HCN1: variants seen among roughly 807,000 people sequenced by gnomAD.
HCN1 encodes potassium/sodium hyperpolarization-activated cyclic nucleotide-gated channel 1.
HCN1 carries 13 observed loss-of-function variants against 78.9 expected under a neutral mutation model. The ratio of observed to expected loss-of-function variants is 0.16; its 90% CI spans 0.11 to 0.26. The LOEUF (loss-of-function observed/expected upper bound fraction) is 0.26, where lower values mean the gene tolerates loss of function less well. Among genes scored for constraint, HCN1 ranks in the 10% least tolerant of loss-of-function variants. HCN1 has a pLI of 1.00. For synonymous variants in HCN1, 552 were observed against 455.5 expected (o/e 1.21, Z -2.70); for missense variants, 810 against 1,154.3 (o/e 0.70, Z 4.32).
At chr5:45,660,510 A>G (rs1027808924) in intron 1 of HCN1, among the ~76,000 whole-genome samples, 1 of 151,328 alleles carries the variant, frequency 6.6e-6, no homozygotes, top group African/African-American at 2.4e-5. Context: ...CAGACTGGCA[A>G]GTTGGATAAA....
chr5:45,481,881 T>C (rs1469415605), intron 2 of HCN1, among the ~76,000 whole-genome samples: 1 of 152,220 alleles, frequency 6.6e-6, no homozygotes, highest in African/African-American at 2.4e-5. Flanking sequence ...TCTCAGTCTC[T>C]GTTTTCCTCA....
intron 4 of HCN1, 34 bp from the exon 5 acceptor site, chr5:45,353,280 C>T (rs759208319): frequency 1.4e-6 from 2 of 1,442,170 alleles, no homozygotes; most frequent in Admixed American, 1.7e-5. Context: ...TAAAAAAAAA[C>T]ATTGTTAGGG....
At chr5:45,379,024 A>T (rs962063250) in intron 4 of HCN1, among the ~76,000 whole-genome samples, 3 of 152,054 alleles carry the variant, frequency 2.0e-5, no homozygotes, top group Admixed American at 1.3e-4. Flanking sequence ...TCTATCATTG[A>T]TGGACATTTG....
chr5:45,626,705 T>C lies in HCN1; in HGVS notation c.849+18480A>G, dbSNP rs567194039. 1.1e-4 allele frequency among the ~76,000 whole-genome samples: 17 copies of C among 152,106 alleles called. No homozygotes were observed. The South Asian group carries it at 2.7e-3, about 24-fold the overall frequency. ...ACAGAAATAAGTCTAATAAAGCTAG[T>C]GAATAGTCTGCAAAAGGGGAAAACA... On this transcript the variant is annotated intron_variant, in intron 2 of 7. Transcript: ENST00000303230.
In HCN1 at chr5:45,333,422, T is replaced by C. The variant is rs1244023382; in HGVS notation, c.1377+19678A>G. Among the ~76,000 whole-genome samples, 4 of 151,958 alleles carry C rather than the reference T, an allele frequency of 2.6e-5. 1 individual carries two copies. In the East Asian group the frequency reaches 7.8e-4, roughly 29 times the overall value. ...TTAGATGGGTGTGTTGCAAATATTT[T>C]CTCCTATTCTGTGGATTGTCTTTTT... On this transcript the variant is annotated intron_variant, in intron 5 of 7. Transcript: ENST00000303230.
intron 3 of HCN1, among the ~76,000 whole-genome samples, chr5:45,441,532 C>T (rs1740681064): frequency 6.6e-6 from 1 of 152,168 alleles, no homozygotes; most frequent in Admixed American, 6.5e-5. Flanking sequence ...TTATACCTTG[C>T]ACATGCAATA....
intron 1 of HCN1, among the ~76,000 whole-genome samples, chr5:45,686,877 G>C (rs964076639): frequency 9.2e-5 from 14 of 152,206 alleles, no homozygotes; most frequent in Middle Eastern, 6.8e-3. Flanking sequence ...TGGGACTTCA[G>C]GTTTCTCTGT....
chr5:45,371,552 T>A (rs1747358564), intron 4 of HCN1, among the ~76,000 whole-genome samples: 1 of 150,944 alleles, frequency 6.6e-6, no homozygotes, highest in Non-Finnish European at 1.5e-5. Flanking sequence ...AGGTCAGGAG[T>A]TTGAGACCAT....
intron 2 of HCN1, among the ~76,000 whole-genome samples, chr5:45,615,757 C>T (rs1278897390): frequency 6.6e-6 from 1 of 151,860 alleles, no homozygotes; most frequent in Non-Finnish European, 1.5e-5. Context: ...TTATCTATGT[C>T]TTGGCTCTTC....
intron 3 of HCN1, among the ~76,000 whole-genome samples, chr5:45,412,792 A>G (rs952610613): frequency 1.3e-5 from 2 of 152,046 alleles, no homozygotes; most frequent in Admixed American, 6.6e-5. Context: ...ACAAAGGATG[A>G]AGAGAGCATG....
Position 45,424,588 on chromosome 5 carries a change from T to C in HCN1, c.1012-27878A>G, listed in dbSNP as rs566037674. ...TATTACTTTCACTAATAAGATGCCA[T>C]GAAATGCAATATAAAATCACAAATA... On this transcript the variant is annotated intron_variant, in intron 3 of 7. Coordinates refer to ENST00000303230, the MANE Select transcript of HCN1 (RefSeq NM_021072.4). Among the ~76,000 whole-genome samples, 8 of 152,328 alleles carry C rather than the reference T, an allele frequency of 5.3e-5. No homozygotes were observed. In the East Asian group the frequency reaches 1.5e-3, roughly 29 times the overall value.
At chr5:45,601,041 A>T (rs928940854) in intron 2 of HCN1, among the ~76,000 whole-genome samples, 15 of 151,984 alleles carry the variant, frequency 9.9e-5, no homozygotes, top group Non-Finnish European at 2.9e-5. Context: ...AAGAATATAT[A>T]TTTTTTTTCC....
chr5:45,385,666 T>A (rs1263624654), intron 4 of HCN1, among the ~76,000 whole-genome samples: 8 of 152,222 alleles, frequency 5.3e-5, no homozygotes, highest in African/African-American at 1.4e-4. Context: ...TTATTAAAAA[T>A]CCCATTTGTC....
intron 2 of HCN1, among the ~76,000 whole-genome samples, chr5:45,506,514 T>C (rs1742304391): frequency 6.6e-6 from 1 of 152,006 alleles, no homozygotes; most frequent in South Asian, 2.1e-4. Flanking sequence ...TTTAATTTAA[T>C]AAAAAATTTA....
At chr5:45,447,916 C>T (rs1331109501) in intron 3 of HCN1, among the ~76,000 whole-genome samples, 4 of 151,392 alleles carry the variant, frequency 2.6e-5, no homozygotes, top group Admixed American at 2.6e-4. Flanking sequence ...GAAAGAAAGG[C>T]TAATCTGTTA....
intron 5 of HCN1, among the ~76,000 whole-genome samples, chr5:45,346,436 C>T (rs1746710527): frequency 6.6e-6 from 1 of 152,142 alleles, no homozygotes; most frequent in Non-Finnish European, 1.5e-5. Flanking sequence ...GCGTGAGTGA[C>T]ACAGAAGATG....
At position 45,534,868 on chromosome 5, in the gene HCN1, A is replaced by G. The variant is rs145017772; in HGVS notation, c.850-72861T>C. ...AGAAAAAAGGTATTAATCCAAATGG[A>G]ACATTTCTTCCAACCTATAAAATTA... On this transcript the variant is annotated intron_variant, in intron 2 of 7. Coordinates refer to ENST00000303230, the MANE Select transcript of HCN1 (RefSeq NM_021072.4). Among the ~76,000 whole-genome samples the G allele has an allele frequency of 2.6e-4, 39 of 152,334 alleles. No individual in the cohort carries two copies. The East Asian group carries it at 7.3e-3, about 29-fold the overall frequency.
chr5:45,493,610 A>C (rs1413428181), intron 2 of HCN1, among the ~76,000 whole-genome samples: 1 of 149,300 alleles, frequency 6.7e-6, no homozygotes, highest in Non-Finnish European at 1.5e-5. Flanking sequence ...TTTATTTATT[A>C]TTATTATACT....
At chr5:45,414,474 C>G (rs1382287802) in intron 3 of HCN1, among the ~76,000 whole-genome samples, 1 of 151,994 alleles carries the variant, frequency 6.6e-6, no homozygotes, top group Admixed American at 6.6e-5. Flanking sequence ...AAACTGAATT[C>G]ATTTAACCTG....
Sources: gnomAD v4.1 joint callset for allele counts (sites outside exome capture counted in the v4.1 genomes callset) on GRCh38, gnomAD v4.1.1 for gene constraint, MANE v1.5 for transcripts, NCBI Gene and HGNC (gene_info 2026-07-23, HGNC 2026-07-21) for gene names.